The following ZBTB20 variants were observed in gnomAD, a reference collection of about 807,000 sequenced individuals.
ZBTB20 encodes zinc finger and BTB domain-containing protein 20.
ZBTB20 carries 9 observed loss-of-function variants against 56.9 expected under a neutral mutation model. That is an observed-to-expected ratio of 0.16 (90% CI 0.10 to 0.28). The LOEUF is 0.28. Among genes scored for constraint, ZBTB20 ranks in the 10% least tolerant of loss-of-function variants. ZBTB20 has a pLI of 1.00. For missense variants in ZBTB20, 655 were observed against 1,003.0 expected (o/e 0.65, Z 4.69); for synonymous variants, 417 against 420.7 (o/e 0.99, Z 0.11).
At chr3:114,589,350 T>A (rs2055509054) in intron 6 of ZBTB20, among the ~76,000 whole-genome samples, 1 of 152,256 alleles carries the variant, frequency 6.6e-6, no homozygotes, top group Non-Finnish European at 1.5e-5. Context: ...CCAACATGAT[T>A]TAAATTCCCA....
At chr3:114,618,800 T>C (rs1361354833) in intron 6 of ZBTB20, among the ~76,000 whole-genome samples, 1 of 152,338 alleles carries the variant, frequency 6.6e-6, no homozygotes. Context: ...CAATTCACTA[T>C]TGAAAGGAAC....
intron 7 of ZBTB20, among the ~76,000 whole-genome samples, chr3:114,412,278 GGAT>G (rs1434027166): frequency 6.6e-6 from 1 of 152,106 alleles, no homozygotes; most frequent in African/African-American, 2.4e-5. Flanking sequence ...AGAGTTGTGA[GGAT>G]CAACTGAGAC....
At chr3:115,073,939 C>T (rs2082505968) in intron 1 of ZBTB20, among the ~76,000 whole-genome samples, 1 of 151,976 alleles carries the variant, frequency 6.6e-6, no homozygotes, top group Non-Finnish European at 1.5e-5. Context: ...CCAAAAAAAT[C>T]CCTACTATTT....
intron 5 of ZBTB20, among the ~76,000 whole-genome samples, chr3:114,727,389 TATC>T (rs990831758): frequency 4.6e-5 from 7 of 152,202 alleles, no homozygotes; most frequent in African/African-American, 1.7e-4. Flanking sequence ...CACAAACTAA[TATC>T]ATCTCACCTT....
rs2078987854 is a variant in ZBTB20 at position 114,324,175 on chromosome 3, T to C, written c.*14830A>G. ...AGGCAGAAAATAAAAGGAAGTAGTC[T>C]AGTTAAAATCAAGGGTATTATTTAG... is the stretch of plus-strand genomic sequence containing the variant. On this transcript the variant is annotated 3_prime_UTR_variant, in exon 12 of 12. Coordinates refer to ENST00000675478, the MANE Select transcript of ZBTB20 (RefSeq NM_001348800.3). 6.6e-6 allele frequency: 1 copy of C among 152,210 alleles called. No homozygotes were observed. Among genetic ancestry groups the C allele is most frequent in the East Asian group, 1.9e-4 (1 of 5,200 alleles). 9.4% of individuals were successfully genotyped at this position (152,210 alleles called of 1,614,324 possible).
chr3:114,609,005 TA>T (rs2057362462), intron 6 of ZBTB20, among the ~76,000 whole-genome samples: 1 of 152,204 alleles, frequency 6.6e-6, no homozygotes, highest in South Asian at 2.1e-4. Flanking sequence ...ACATCTGTCT[TA>T]TACCTTTTTG....
At chr3:114,695,896 A>G (rs2062980487) in intron 5 of ZBTB20, among the ~76,000 whole-genome samples, 1 of 152,086 alleles carries the variant, frequency 6.6e-6, no homozygotes, top group Non-Finnish European at 1.5e-5. Context: ...TATCCCAGTT[A>G]GAGACTAGAA....
At chr3:114,859,573 T>A (rs1326881539) in intron 4 of ZBTB20, among the ~76,000 whole-genome samples, 1 of 1,798 alleles carries the variant, frequency 5.6e-4, no homozygotes, top group Non-Finnish European at 2.5e-3. Flanking sequence ...TCTTATGGCG[T>A]TTTTTTTTTT....
At chr3:114,930,816 C>T in intron 3 of ZBTB20, 3 of 290,170 alleles carry the variant, frequency 1.0e-5, no homozygotes, top group Non-Finnish European at 1.4e-5. Flanking sequence ...GTGTAGGACA[C>T]GGAGAGACTG....
chr3:114,709,082 C>A (rs939510123), intron 5 of ZBTB20, among the ~76,000 whole-genome samples: 1 of 151,986 alleles, frequency 6.6e-6, no homozygotes, highest in Non-Finnish European at 1.5e-5. Flanking sequence ...ATAAAAGATA[C>A]CCTACCAATT....
At chr3:115,062,561 G>T (rs528412664) in intron 2 of ZBTB20, among the ~76,000 whole-genome samples, 1 of 151,968 alleles carries the variant, frequency 6.6e-6, no homozygotes, top group Non-Finnish European at 1.5e-5. Flanking sequence ...AAGTTCTGGG[G>T]TTTTTTGTTT....
chr3:115,013,304 C>G (rs1289594762), intron 2 of ZBTB20, among the ~76,000 whole-genome samples: 1 of 151,290 alleles, frequency 6.6e-6, no homozygotes, highest in African/African-American at 2.4e-5. Flanking sequence ...ACAAAATTGA[C>G]AAACTTTTAG....
intron 2 of ZBTB20, among the ~76,000 whole-genome samples, chr3:114,992,670 C>T (rs1051923673): frequency 1.3e-5 from 2 of 151,806 alleles, no homozygotes; most frequent in African/African-American, 4.8e-5. Context: ...GAAGCTGAGA[C>T]TCCCACTTAT....
chr3:114,492,349 A>G (rs2042842870), intron 7 of ZBTB20, among the ~76,000 whole-genome samples: 1 of 152,160 alleles, frequency 6.6e-6, no homozygotes, highest in Non-Finnish European at 1.5e-5. Flanking sequence ...CACACTCAAC[A>G]TCTCAAAAAC....
rs528703188 is a variant in ZBTB20, at chr3:114,780,818, T to C, written c.-343+20283A>G. 1.2e-4 allele frequency among the ~76,000 whole-genome samples: 18 copies of C among 152,216 alleles called. No homozygotes were observed. The East Asian group carries it at 3.5e-3, about 29-fold the overall frequency. Reference sequence around the variant, plus strand: ...TCCATTTTTAAAATAATCACTTAGATTATAAACACGTAAACAATTTAGACA... The same window carrying C: ...TCCATTTTTAAAATAATCACTTAGACTATAAACACGTAAACAATTTAGACA... On this transcript the variant is annotated intron_variant, in intron 5 of 11. Transcript: ENST00000675478.
chr3:114,693,450 AG>A (rs2062814392), intron 6 of ZBTB20, 77 bp downstream of exon 6: 1 of 152,104 alleles, frequency 6.6e-6, no homozygotes, highest in Non-Finnish European at 1.5e-5. Context: ...ATATTTTCTG[AG>A]GTTCATGGAA....
chr3:114,326,175 C>G lies in ZBTB20; in HGVS notation c.*12830G>C, dbSNP rs2079057881. ...CGGCAGCACCCCTTCCTTTTCTTTC[C>G]TGGGTATCTTGCAGTAGATATTAAT... On this transcript the variant is annotated 3_prime_UTR_variant, in exon 12 of 12. Coordinates refer to ENST00000675478, the MANE Select transcript of ZBTB20 (RefSeq NM_001348800.3). 1 of 152,142 alleles carries G rather than the reference C, an allele frequency of 6.6e-6. No homozygotes were observed. Among genetic ancestry groups the G allele is most frequent in the South Asian group, 2.1e-4 (1 of 4,830 alleles). The allele number at this position is 152,142 out of a possible 1,614,324, so 9.4% of individuals were successfully genotyped here.
At chr3:114,706,629 G>A (rs1196109690) in intron 5 of ZBTB20, among the ~76,000 whole-genome samples, 1 of 152,124 alleles carries the variant, frequency 6.6e-6, no homozygotes, top group African/African-American at 2.4e-5. Flanking sequence ...GCAGGGGTTA[G>A]TAGAAAGTCT....
At chr3:114,402,203 C>T (rs2086885527) in intron 7 of ZBTB20, among the ~76,000 whole-genome samples, 1 of 152,142 alleles carries the variant, frequency 6.6e-6, no homozygotes, top group African/African-American at 2.4e-5. Flanking sequence ...GGACCAGCAC[C>T]TGGCTATGCT....
Sources: allele counts gnomAD v4.1 joint callset (sites outside exome capture counted in the v4.1 genomes callset), GRCh38; gene constraint gnomAD v4.1.1; transcripts MANE v1.5; gene names NCBI Gene and HGNC (gene_info 2026-07-23, HGNC 2026-07-21).